The following ANKHD1 variants were observed in gnomAD, a reference collection of about 807,000 sequenced individuals.
ANKHD1 encodes the protein ankyrin repeat and KH domain-containing protein 1.
Under a neutral mutation model 230.5 loss-of-function variants are expected in ANKHD1, and 31 were observed. The observed-to-expected ratio is 0.13, with a 90% CI of 0.10 to 0.18. The LOEUF is 0.18. Ranked by LOEUF, ANKHD1 falls within the 10% of genes least tolerant of loss-of-function variation. ANKHD1 has a pLI of 1.00. For synonymous variants in ANKHD1, 1,074 were observed against 1,117.6 expected (o/e 0.96, Z 0.78); for missense variants, 2,256 against 3,071.3 (o/e 0.73, Z 6.27).
At position 140,485,334 on chromosome 5, in the gene ANKHD1, A is replaced by G. The variant is rs918836309; in HGVS notation, c.1998+86A>G. On this transcript the variant is annotated intron_variant, in intron 12 of 33. Transcript: ENST00000360839. The surrounding 1 kb of genome is among the most constrained non-coding windows in gnomAD (Gnocchi z 4.8). ...CACTTTAGAAAGCTGAGGCGGGTGG[A>G]TCACTTGAGCCCAGGAGTTTGAGAC... The G allele has an allele frequency of 6.7e-7, 1 of 1,486,976 alleles. No homozygotes were observed. The allele number at this position is 1,486,976 out of a possible 1,614,324, so 92.1% of individuals were successfully genotyped here.
At chr5:140,469,712 T>C (rs1776356790) in intron 10 of ANKHD1, among the ~76,000 whole-genome samples, 1 of 152,122 alleles carries the variant, frequency 6.6e-6, no homozygotes, top group East Asian at 1.9e-4. Flanking sequence ...GAGAGTAATA[T>C]ATCTTTCACC....
At chr5:140,521,713 C>G (rs1004006585) in intron 24 of ANKHD1, among the ~76,000 whole-genome samples, 7 of 152,200 alleles carry the variant, frequency 4.6e-5, no homozygotes, top group African/African-American at 1.7e-4. Flanking sequence ...GGCACAGTGG[C>G]TCATGCCTGT....
chr5:140,419,535 C>A (rs1771704902), intron 1 of ANKHD1, among the ~76,000 whole-genome samples: 1 of 149,522 alleles, frequency 6.7e-6, no homozygotes, highest in East Asian at 2.0e-4. Flanking sequence ...TCATAGCTCA[C>A]TGAAGCCTCA....
intron 24 of ANKHD1, among the ~76,000 whole-genome samples, chr5:140,519,919 T>C (rs1753237936): frequency 6.6e-6 from 1 of 151,846 alleles, no homozygotes; most frequent in African/African-American, 2.4e-5. Flanking sequence ...AAAGCCAAAA[T>C]TGACAAATGG....
chr5:140,410,859 A>G lies in ANKHD1; in HGVS notation c.306+8586A>G, dbSNP rs117996798. ...TGAGGTAGGTATTATCTACATTTTT[A>G]TAGATGAATAAGTGTAGGCTCAGAG... On this transcript the variant is annotated intron_variant, in intron 1 of 33. Coordinates refer to ENST00000360839, the MANE Select transcript of ANKHD1 (RefSeq NM_017747.3). Among the ~76,000 whole-genome samples, 123 of 152,288 alleles carry G rather than the reference A, an allele frequency of 8.1e-4. 2 individuals are homozygous for G. In the East Asian group the frequency reaches 0.019, roughly 23 times the overall value.
At chr5:140,497,625 T>C (rs1437821752) in intron 15 of ANKHD1, among the ~76,000 whole-genome samples, 3 of 152,234 alleles carry the variant, frequency 2.0e-5, no homozygotes, top group Non-Finnish European at 4.4e-5. Context: ...CGTATAAGAT[T>C]ATACTTAAAA....
At chr5:140,481,804 AAG>A (rs942357282) in intron 10 of ANKHD1, among the ~76,000 whole-genome samples, 20 of 152,186 alleles carry the variant, frequency 1.3e-4, no homozygotes, top group African/African-American at 4.8e-4. Flanking sequence ...TATATAATGA[AAG>A]AGGGGATAGG....
At chr5:140,520,353 T>C (rs1047066513) in intron 24 of ANKHD1, among the ~76,000 whole-genome samples, 12 of 152,064 alleles carry the variant, frequency 7.9e-5, no homozygotes, top group African/African-American at 2.9e-4. Context: ...AGTTCAACCA[T>C]TGTGGAAGTC....
At chr5:140,489,320 CTA>C (rs765325779) in intron 14 of ANKHD1, among the ~76,000 whole-genome samples, 1 of 152,002 alleles carries the variant, frequency 6.6e-6, no homozygotes, top group Non-Finnish European at 1.5e-5. Flanking sequence ...GAACTTGTCT[CTA>C]TTTAAAAAAA....
intron 13 of ANKHD1, chr5:140,486,222 G>T (rs947840490): frequency 6.4e-6 from 1 of 155,678 alleles, no homozygotes; most frequent in Non-Finnish European, 1.4e-5. Flanking sequence ...GCGCCACCAC[G>T]CCCAGCTAAT....
In ANKHD1 at chr5:140,432,171, G is replaced by A. The variant is rs116343190; in HGVS notation, c.307-3933G>A. ...TTTAGTATATTTACAAGGTTGTATA[G>A]CAATCACTACTATCTAATGCCAGAA... is the stretch of plus-strand genomic sequence containing the variant. On this transcript the variant is annotated intron_variant, in intron 1 of 33. Coordinates refer to ENST00000360839, the MANE Select transcript of ANKHD1 (RefSeq NM_017747.3). Among the ~76,000 whole-genome samples the A allele has an allele frequency of 4.2e-3, 641 of 152,250 alleles. 3 individuals are homozygous for A. Among genetic ancestry groups the A allele is most frequent in the African/African-American group, 0.015 (608 of 41,538 alleles).
intron 1 of ANKHD1, among the ~76,000 whole-genome samples, chr5:140,419,454 CTTTTTTTTTTT>C (rs144115557): frequency 7.6e-6 from 1 of 131,606 alleles, no homozygotes; most frequent in Non-Finnish European, 1.6e-5. Context: ...TTCTTTCTTT[CTTTTTTTTTTT>C]TTTTTTTTGT....
At chr5:140,429,784 A>G (rs1204305043) in intron 1 of ANKHD1, among the ~76,000 whole-genome samples, 1 of 152,256 alleles carries the variant, frequency 6.6e-6, no homozygotes, top group Non-Finnish European at 1.5e-5. Context: ...TTATTACAGT[A>G]TAAGACTTAA....
intron 24 of ANKHD1, among the ~76,000 whole-genome samples, chr5:140,522,267 C>G (rs760186261): frequency 6.6e-6 from 1 of 152,186 alleles, no homozygotes; most frequent in Admixed American, 6.5e-5. Context: ...TTTCAAAATT[C>G]ATCCATGTTA....
Position 140,526,011 on chromosome 5 carries a change from C to T in ANKHD1, c.4508C>T (p.Pro1503Leu), listed in dbSNP as rs946672745. 9 of 1,578,200 alleles carry T rather than the reference C, an allele frequency of 5.7e-6. No homozygotes were observed. The highest frequency in any genetic ancestry group is 7.7e-6 in the Non-Finnish European group (9 of 1,168,748). The change falls in exon 26 of 34, where the codon CCC becomes CTC. Residue 1503 changes from proline to leucine, a missense_variant. Around this residue, in one of 13 missense-constraint regions of ANKHD1, gnomAD observed 212 missense variants for 257.3 expected, o/e 0.82. Transcript: ENST00000360839. ...ACAATTTCAGTGGAGCAAGAAGTTC[C>T]CATAGAACCTCCTAGTGCAACCACC... Reference protein sequence around the residue: ...ENDEDVEQEVPIEPPSATTTT... With the variant: ...ENDEDVEQEVLIEPPSATTTT...
chr5:140,401,882 C>T lies in ANKHD1; in HGVS notation c.-86C>T, dbSNP rs750948655. ...GGACGGGGGAAAGGAGACGCTTCTT[C>T]CTCTTGCTGCTCTTCTCGTTCCCGA... On this transcript the variant is annotated 5_prime_UTR_variant, in exon 1 of 34. Coordinates refer to ENST00000360839, the MANE Select transcript of ANKHD1 (RefSeq NM_017747.3). 2 of 1,472,688 alleles carry T rather than the reference C, an allele frequency of 1.4e-6. No homozygotes were observed. Among genetic ancestry groups the T allele is most frequent in the Middle Eastern group, 2.0e-4 (1 of 5,116 alleles). 91.2% of individuals were successfully genotyped at this position (1,472,688 alleles called of 1,614,324 possible).
intron 1 of ANKHD1, among the ~76,000 whole-genome samples, chr5:140,409,332 T>C (rs1294242837): frequency 6.6e-6 from 1 of 152,198 alleles, no homozygotes; most frequent in Non-Finnish European, 1.5e-5. Context: ...TCACTTAAAA[T>C]ATATTATTTT....
chr5:140,426,520 A>T (rs937312621), intron 1 of ANKHD1, among the ~76,000 whole-genome samples: 8 of 151,702 alleles, frequency 5.3e-5, no homozygotes, highest in East Asian at 1.9e-4. Flanking sequence ...TTATTTATTT[A>T]TTTATTTATT....
Position 140,535,449 on chromosome 5 carries a change from T to G in ANKHD1, c.6938T>G (p.Val2313Gly). 6.2e-7 allele frequency: 1 copy of G among 1,613,544 alleles called. No individual in the cohort carries two copies. The highest frequency in any genetic ancestry group is 2.2e-5 in the East Asian group (1 of 44,838). ...TTTTCCGGCATACCAGGAACAAGGG[T>G]TTTCCTGCAAGGGCCAGCTCCTGTT... ...ASFSGIPGTR[V>G]FLQGPAPVGT... The change falls in exon 30 of 34, where the codon GTT becomes GGT. Residue 2313 changes from valine (V) to glycine (G), a missense_variant. Val to Gly is a moderately radical substitution (Grantham distance 109, BLOSUM62 -3). Coordinates refer to ENST00000360839, the MANE Select transcript of ANKHD1 (RefSeq NM_017747.3).
Sources: gnomAD v4.1 joint callset for allele counts (sites outside exome capture counted in the v4.1 genomes callset) on GRCh38, gnomAD v4.1.1 for gene constraint, gnomAD v4.1.1 regional missense constraint, Gnocchi (gnomAD v3.1) non-coding constraint, MANE v1.5 for transcripts, NCBI Gene and HGNC (gene_info 2026-07-23, HGNC 2026-07-21) for gene names.